Variants in NEGR1 observed in about 807,000 individuals in gnomAD.
NEGR1 encodes neuronal growth regulator 1, also known as IgLON family member 4.
Under a neutral mutation model 40.9 loss-of-function variants are expected in NEGR1, and 10 were observed. The ratio of observed to expected loss-of-function variants is 0.24; its 90% CI spans 0.15 to 0.42. NEGR1 has a LOEUF of 0.42. NEGR1 is among the 10% of genes least tolerant of loss of function. The pLI is 1.00. For missense variants in NEGR1, 352 were observed against 438.9 expected (o/e 0.80, Z 1.77); for synonymous variants, 185 against 166.8 (o/e 1.11, Z -0.84).
At chr1:71,901,824 T>C (rs539460419) in intron 2 of NEGR1, among the ~76,000 whole-genome samples, 2 of 151,902 alleles carry the variant, frequency 1.3e-5, no homozygotes, top group African/African-American at 4.8e-5. Flanking sequence ...GCATGTGCCA[T>C]CATACCCGGC....
intron 1 of NEGR1, among the ~76,000 whole-genome samples, chr1:71,988,923 TA>T (rs10604833): frequency 0.13 from 10,750 of 81,732 alleles, 456 homozygotes; most frequent in East Asian, 0.37. Flanking sequence ...TATTGGATGT[TA>T]AAAAAAAAAA....
intron 3 of NEGR1, among the ~76,000 whole-genome samples, chr1:71,722,811 A>G (rs1002657001): frequency 6.6e-6 from 1 of 152,050 alleles, no homozygotes; most frequent in African/African-American, 2.4e-5. Context: ...TTACCATAGG[A>G]ATACACCCAT....
chr1:71,462,813 T>C (rs577544378), intron 6 of NEGR1, among the ~76,000 whole-genome samples: 40 of 152,306 alleles, frequency 2.6e-4, no homozygotes, highest in African/African-American at 9.4e-4. Flanking sequence ...TTAATTAGTA[T>C]TGGCAAAATT....
chr1:72,177,551 G>A (rs1360242341), intron 1 of NEGR1, among the ~76,000 whole-genome samples: 1 of 151,686 alleles, frequency 6.6e-6, no homozygotes, highest in East Asian at 1.9e-4. Context: ...CGTAATTTTA[G>A]TCTTCAACAA....
intron 2 of NEGR1, among the ~76,000 whole-genome samples, chr1:71,826,934 T>C (rs1570400893): frequency 6.6e-6 from 1 of 151,906 alleles, no homozygotes. Flanking sequence ...AATAGCATTT[T>C]ATTAATGATG....
chr1:71,711,583 G>T (rs925362695), intron 3 of NEGR1, among the ~76,000 whole-genome samples: 1 of 151,222 alleles, frequency 6.6e-6, no homozygotes, highest in Non-Finnish European at 1.5e-5. Flanking sequence ...CTTTGGAAAA[G>T]AGTTTGTCAG....
At chr1:71,571,524 T>A (rs943542429) in intron 6 of NEGR1, among the ~76,000 whole-genome samples, 2 of 152,170 alleles carry the variant, frequency 1.3e-5, no homozygotes, top group African/African-American at 4.8e-5. Flanking sequence ...CAGCACTGGC[T>A]CATGCCTGTA....
chr1:71,528,122 T>C (rs1453848636), intron 6 of NEGR1, among the ~76,000 whole-genome samples: 1 of 151,376 alleles, frequency 6.6e-6, no homozygotes, highest in Non-Finnish European at 1.5e-5. Context: ...AAGCACTCTA[T>C]TAGATAATAA....
At chr1:71,521,704 T>C (rs943497741) in intron 6 of NEGR1, among the ~76,000 whole-genome samples, 3 of 152,122 alleles carry the variant, frequency 2.0e-5, no homozygotes, top group Non-Finnish European at 4.4e-5. Flanking sequence ...ATTAAGTGTA[T>C]AGGAGCAACT....
intron 4 of NEGR1, among the ~76,000 whole-genome samples, chr1:71,675,527 T>A (rs1251396731): frequency 6.8e-6 from 1 of 147,834 alleles, no homozygotes; most frequent in Non-Finnish European, 1.5e-5. Context: ...ATATAGAGAG[T>A]GAGAGAGAGA....
At chr1:72,269,753 G>T (rs1206900854) in intron 1 of NEGR1, among the ~76,000 whole-genome samples, 2 of 150,798 alleles carry the variant, frequency 1.3e-5, no homozygotes, top group East Asian at 3.9e-4. Flanking sequence ...TGGATGAGAG[G>T]TTTTTTTCAG....
At chr1:71,727,327 C>T (rs1453965383) in intron 3 of NEGR1, among the ~76,000 whole-genome samples, 1 of 152,068 alleles carries the variant, frequency 6.6e-6, no homozygotes, top group East Asian at 1.9e-4. Flanking sequence ...GTAATAACCA[C>T]TTTGAATTAA....
At chr1:71,779,962 G>C (rs1421478747) in intron 2 of NEGR1, among the ~76,000 whole-genome samples, 3 of 146,846 alleles carry the variant, frequency 2.0e-5, no homozygotes, top group Middle Eastern at 7.1e-3. Context: ...CAGCTCTGTC[G>C]TCAGAATAAG....
At chr1:71,524,355 T>TGTGTGA (rs1491242523) in intron 6 of NEGR1, among the ~76,000 whole-genome samples, 10 of 143,896 alleles carry the variant, frequency 6.9e-5, no homozygotes, top group East Asian at 4.0e-4. Context: ...TGTGTGTGTG[T>TGTGTGA]GATATCAACC....
chr1:72,084,047 C>T (rs1287977122), intron 1 of NEGR1, among the ~76,000 whole-genome samples: 1 of 152,166 alleles, frequency 6.6e-6, no homozygotes, highest in African/African-American at 2.4e-5. Context: ...GTTCCTCCAG[C>T]TTCTCTACTA....
At chr1:71,713,653 G>C (rs1440101184) in intron 3 of NEGR1, among the ~76,000 whole-genome samples, 2 of 152,108 alleles carry the variant, frequency 1.3e-5, no homozygotes, top group Non-Finnish European at 2.9e-5. Flanking sequence ...TTATTTACAA[G>C]AAGAAACATT....
At chr1:71,573,086 T>C (rs1055538312) in intron 6 of NEGR1, among the ~76,000 whole-genome samples, 1 of 152,192 alleles carries the variant, frequency 6.6e-6, no homozygotes, top group Non-Finnish European at 1.5e-5. Flanking sequence ...ACATTGCCTC[T>C]GGTTTGGAAA....
intron 6 of NEGR1, among the ~76,000 whole-genome samples, chr1:71,455,250 CTAATA>C (rs1569893396): frequency 6.6e-6 from 1 of 152,266 alleles, no homozygotes; most frequent in East Asian, 1.9e-4. Flanking sequence ...GCCCTTGAGC[CTAATA>C]TATTATTCGG....
chr1:72,152,295 AC>A (rs932391732), intron 1 of NEGR1, among the ~76,000 whole-genome samples: 21 of 151,932 alleles, frequency 1.4e-4, no homozygotes, highest in Non-Finnish European at 2.8e-4. Context: ...GGTTTTTCAA[AC>A]ACTTGTAATT....
Sources: gnomAD v4.1 joint callset for allele counts (sites outside exome capture counted in the v4.1 genomes callset) on GRCh38, gnomAD v4.1.1 for gene constraint, MANE v1.5 for transcripts, NCBI Gene and HGNC (gene_info 2026-07-23, HGNC 2026-07-21) for gene names.